The following TGFA variants were observed in gnomAD, a reference collection of about 807,000 sequenced individuals.
TGFA encodes protransforming growth factor alpha.
TGFA carries 12 observed loss-of-function variants against 21.7 expected under a neutral mutation model. The observed-to-expected ratio is 0.55, with a 90% CI of 0.35 to 0.90. TGFA has a LOEUF of 0.90. Ranked by LOEUF, TGFA falls within the 40% of genes least tolerant of loss-of-function variation. The pLI is 0.01. For missense variants in TGFA, 178 were observed against 210.8 expected (o/e 0.84, Z 0.96); for synonymous variants, 79 against 88.1 (o/e 0.90, Z 0.58).
chr2:70,498,480 GT>G (rs1355263532), intron 2 of TGFA, among the ~76,000 whole-genome samples: 2 of 152,174 alleles, frequency 1.3e-5, no homozygotes, highest in African/African-American at 4.8e-5. Flanking sequence ...TGGGCTAAGG[GT>G]TTTGGAACAG....
intron 4 of TGFA, 26 bp downstream of exon 4, chr2:70,456,313 T>C (rs1670225472): frequency 1.3e-6 from 2 of 1,533,902 alleles, no homozygotes; most frequent in Admixed American, 2.0e-5. Flanking sequence ...GCAGGGGACC[T>C]GGCCTTAGGG....
At position 70,553,746 on chromosome 2, in the gene TGFA, G is replaced by A. The variant is rs782692803; in HGVS notation, c.22C>T (p.Leu8Phe). The change falls in exon 1 of 6, where the codon CTC becomes TTC. Residue 8 changes from leucine to phenylalanine, a missense_variant. Coordinates refer to ENST00000295400, the MANE Select transcript of TGFA (RefSeq NM_003236.4). MVPSAGQ[L>F]ALFALGIVLA... ...TACGTACCCAGAGCGAACAGGGCGA[G>A]CTGTCCAGCCGAGGGGACCATTTTA... The A allele has an allele frequency of 1.7e-5, 23 of 1,319,730 alleles. No homozygotes were observed. In the African/African-American group the frequency reaches 3.2e-4, roughly 18 times the overall value. The allele number at this position is 1,319,730 out of a possible 1,614,324, so 81.8% of individuals were successfully genotyped here. A position where few individuals can be genotyped will look rare whatever the true frequency, so the allele number is the denominator to read the frequency against.
chr2:70,502,124 G>A (rs900522424), intron 2 of TGFA, among the ~76,000 whole-genome samples: 6 of 152,144 alleles, frequency 3.9e-5, no homozygotes, highest in African/African-American at 1.4e-4. Context: ...CCAATTTATC[G>A]ATGTTCCTCC....
intron 5 of TGFA, among the ~76,000 whole-genome samples, chr2:70,451,340 C>T (rs1553489599): frequency 2.6e-5 from 4 of 152,202 alleles, no homozygotes; most frequent in Admixed American, 6.5e-5. Context: ...CAGCATGGAC[C>T]GTCCTCAGTT....
In TGFA at chr2:70,501,256, ATTT is replaced by A. The variant is rs34066419; in HGVS notation, c.94+13600_94+13602del. Among the ~76,000 whole-genome samples the A allele has an allele frequency of 1.4e-3, 204 of 144,856 alleles. 2 individuals are homozygous for A. In the East Asian group the frequency reaches 0.024, roughly 17 times the overall value. On this transcript the variant is annotated intron_variant, in intron 2 of 5. Transcript: ENST00000295400. ...ATTTTTAAAGTGCTCTTTGCTTGCA[ATTT>A]TTTTTTTTTTTTTCTCCTCCAGGGA...
intron 1 of TGFA, among the ~76,000 whole-genome samples, chr2:70,521,538 G>A (rs1672459350): frequency 6.6e-6 from 1 of 151,328 alleles, no homozygotes; most frequent in South Asian, 2.1e-4. Flanking sequence ...GAAAAATGTG[G>A]TATATTGAGT....
At chr2:70,501,610 T>G (rs1671740441) in intron 2 of TGFA, among the ~76,000 whole-genome samples, 1 of 152,184 alleles carries the variant, frequency 6.6e-6, no homozygotes, top group Non-Finnish European at 1.5e-5. Flanking sequence ...TTTCTTTTTT[T>G]GAGCAGGTAT....
At chr2:70,520,982 A>C (rs956333856) in intron 1 of TGFA, among the ~76,000 whole-genome samples, 1 of 151,402 alleles carries the variant, frequency 6.6e-6, no homozygotes, top group Non-Finnish European at 1.5e-5. Context: ...CAGCCTCCAC[A>C]CCGTCCATCC....
intron 1 of TGFA, among the ~76,000 whole-genome samples, chr2:70,533,578 A>G (rs1222564627): frequency 6.6e-6 from 1 of 152,208 alleles, no homozygotes; most frequent in Non-Finnish European, 1.5e-5. Context: ...TTCTGAAAAC[A>G]TCAACTCTTC....
chr2:70,474,004 T>C (rs1167928064), intron 2 of TGFA, among the ~76,000 whole-genome samples: 1 of 152,178 alleles, frequency 6.6e-6, no homozygotes, highest in South Asian at 2.1e-4. Flanking sequence ...AAAGAGAACA[T>C]ATTTTTCCTA....
chr2:70,550,559 G>A (rs1198108488), intron 1 of TGFA, among the ~76,000 whole-genome samples: 2 of 152,194 alleles, frequency 1.3e-5, no homozygotes, highest in African/African-American at 2.4e-5. Flanking sequence ...GGTGGCTCAC[G>A]CCTGTAATCC....
chr2:70,451,689 T>C, intron 5 of TGFA: 2 of 682,592 alleles, frequency 2.9e-6, no homozygotes, highest in Non-Finnish European at 5.3e-6. Flanking sequence ...ATTAAAAACA[T>C]TTTTCTATTG....
chr2:70,529,588 T>TCCC (rs149639655), intron 1 of TGFA, among the ~76,000 whole-genome samples: 13,619 of 144,966 alleles, frequency 0.094, 828 homozygotes, highest in Middle Eastern at 0.14. Context: ...GAGGAGTGAA[T>TCCC]CCCCCCGCCC....
intron 1 of TGFA, 132 bp from the exon 2 acceptor site, chr2:70,515,044 G>A: frequency 1.4e-6 from 1 of 737,768 alleles, no homozygotes; most frequent in Non-Finnish European, 2.2e-6. Flanking sequence ...GACAGGCTCA[G>A]CTACATAATT....
chr2:70,480,794 A>G (rs1553495335), intron 2 of TGFA, among the ~76,000 whole-genome samples: 1 of 146,832 alleles, frequency 6.8e-6, no homozygotes, highest in Non-Finnish European at 1.5e-5. Flanking sequence ...CCTGGATAAT[A>G]TCCCCCAGAG....
chr2:70,546,196 C>G (rs1673296099), intron 1 of TGFA, among the ~76,000 whole-genome samples: 1 of 152,096 alleles, frequency 6.6e-6, no homozygotes, highest in African/African-American at 2.4e-5. Context: ...ACTTTAGGCA[C>G]TATAGATTTA....
chr2:70,470,188 G>A (rs1055679327), intron 2 of TGFA, among the ~76,000 whole-genome samples: 1 of 151,624 alleles, frequency 6.6e-6, no homozygotes, highest in Non-Finnish European at 1.5e-5. Context: ...AGGGGAGGGA[G>A]GGAAACAGGA....
intron 2 of TGFA, among the ~76,000 whole-genome samples, chr2:70,511,150 T>A (rs1553500879): frequency 6.6e-6 from 1 of 152,226 alleles, no homozygotes; most frequent in African/African-American, 2.4e-5. Context: ...GCTCTAGTGC[T>A]GTCACTCAGG....
intron 3 of TGFA, among the ~76,000 whole-genome samples, 176 bp from the exon 4 acceptor site, chr2:70,456,664 G>A (rs1670239712): frequency 6.6e-6 from 1 of 152,250 alleles, no homozygotes; most frequent in African/African-American, 2.4e-5. Context: ...CCCTGTCGCA[G>A]GCACCGCTGC....
Sources: allele counts gnomAD v4.1 joint callset (sites outside exome capture counted in the v4.1 genomes callset), GRCh38; gene constraint gnomAD v4.1.1; transcripts MANE v1.5; gene names NCBI Gene and HGNC (gene_info 2026-07-23, HGNC 2026-07-21).